ARHGAP42: variants seen among roughly 807,000 people sequenced by gnomAD.
ARHGAP42 encodes the protein Rho GTPase activating protein 42, also known as rho GTPase-activating protein 42.
Under a neutral mutation model 125.0 loss-of-function variants are expected in ARHGAP42, and 63 were observed. That is an observed-to-expected ratio of 0.50 (90% CI 0.41 to 0.62). ARHGAP42 has a LOEUF of 0.62. ARHGAP42 is among the 20% of genes least tolerant of loss of function. ARHGAP42 has a pLI of 0.00. For synonymous variants in ARHGAP42, 339 were observed against 351.0 expected (o/e 0.97, Z 0.38); for missense variants, 766 against 1,024.2 (o/e 0.75, Z 3.44).
At chr11:100,902,780 A>G (rs983976879) in intron 4 of ARHGAP42, among the ~76,000 whole-genome samples, 2 of 152,118 alleles carry the variant, frequency 1.3e-5, no homozygotes, top group African/African-American at 4.8e-5. Context: ...TAGACAATGG[A>G]TGGAGTACTG....
intron 4 of ARHGAP42, among the ~76,000 whole-genome samples, chr11:100,894,679 A>G (rs1175800447): frequency 6.6e-6 from 1 of 152,178 alleles, no homozygotes; most frequent in Non-Finnish European, 1.5e-5. Context: ...TTTCAATGCC[A>G]GCACCATTTG....
intron 1 of ARHGAP42, among the ~76,000 whole-genome samples, chr11:100,769,889 AC>A (rs1162673572): frequency 3.3e-5 from 5 of 151,970 alleles, no homozygotes; most frequent in African/African-American, 1.2e-4. Context: ...TGAGGTTAAT[AC>A]CTAGGTGATG....
At chr11:100,875,673 G>A (rs961497789) in intron 4 of ARHGAP42, among the ~76,000 whole-genome samples, 2 of 151,802 alleles carry the variant, frequency 1.3e-5, no homozygotes, top group Admixed American at 6.6e-5. Context: ...AGGCAACAGA[G>A]GTCAACCCCA....
At chr11:100,718,554 A>G (rs1412759822) in intron 1 of ARHGAP42, among the ~76,000 whole-genome samples, 1 of 152,224 alleles carries the variant, frequency 6.6e-6, no homozygotes, top group African/African-American at 2.4e-5. Flanking sequence ...TAAATTGGAC[A>G]AGGACTCAAA....
intron 3 of ARHGAP42, among the ~76,000 whole-genome samples, chr11:100,853,810 C>T (rs763792420): frequency 1.3e-5 from 2 of 151,522 alleles, no homozygotes; most frequent in Non-Finnish European, 2.9e-5. Flanking sequence ...GCCATTTTAC[C>T]CCTATTAACT....
rs1483014742 is a variant in ARHGAP42, at chr11:100,991,139, A to C, written c.*2338A>C. ...AAGTTGTGCTTGTGCTTGAACTTTT[A>C]ATCTTCTAGATTTGTGAGGATGGCT... On this transcript the variant is annotated 3_prime_UTR_variant, in exon 24 of 24. Transcript: ENST00000298815. The C allele has an allele frequency of 6.6e-6, 1 of 152,128 alleles. No homozygotes were observed. The highest frequency in any genetic ancestry group is 1.5e-5 in the Non-Finnish European group (1 of 68,024). The allele number at this position is 152,128 out of a possible 1,614,324, so 9.4% of individuals were successfully genotyped here. A position where few individuals can be genotyped will look rare whatever the true frequency, so the allele number is the denominator to read the frequency against.
At chr11:100,740,789 G>A (rs1862168083) in intron 1 of ARHGAP42, among the ~76,000 whole-genome samples, 1 of 152,154 alleles carries the variant, frequency 6.6e-6, no homozygotes, top group Non-Finnish European at 1.5e-5. Context: ...CACTGTTAAA[G>A]TTTGGCACAG....
At chr11:100,926,543 A>G (rs998761055) in intron 6 of ARHGAP42, among the ~76,000 whole-genome samples, 3 of 152,240 alleles carry the variant, frequency 2.0e-5, no homozygotes, top group Non-Finnish European at 2.9e-5. Flanking sequence ...AGAGACAGAA[A>G]GTATAATAGC....
At chr11:100,910,339 C>T (rs540245958) in intron 4 of ARHGAP42, among the ~76,000 whole-genome samples, 2 of 152,180 alleles carry the variant, frequency 1.3e-5, no homozygotes, top group South Asian at 4.2e-4. Flanking sequence ...CCCCTTCTAC[C>T]TCACTTCTCA....
At chr11:100,942,881 C>A (rs1364771438) in intron 9 of ARHGAP42, among the ~76,000 whole-genome samples, 1 of 152,098 alleles carries the variant, frequency 6.6e-6, no homozygotes, top group Non-Finnish European at 1.5e-5. Context: ...CTAATAGTTA[C>A]TACTGTAAAT....
At chr11:100,694,816 G>A (rs932539027) in intron 1 of ARHGAP42, among the ~76,000 whole-genome samples, 4 of 152,186 alleles carry the variant, frequency 2.6e-5, no homozygotes. Flanking sequence ...ATCACTTGAG[G>A]TCAGGAATTC....
intron 2 of ARHGAP42, among the ~76,000 whole-genome samples, chr11:100,793,015 A>G (rs750690141): frequency 6.6e-6 from 1 of 152,002 alleles, no homozygotes; most frequent in South Asian, 2.1e-4. Flanking sequence ...CAGCCTCCCA[A>G]AGTGCTGGGA....
At chr11:100,831,016 A>G (rs1005469367) in intron 3 of ARHGAP42, among the ~76,000 whole-genome samples, 3 of 152,200 alleles carry the variant, frequency 2.0e-5, no homozygotes, top group African/African-American at 7.2e-5. Flanking sequence ...ATTTGACTCA[A>G]TTTAATCAAG....
intron 1 of ARHGAP42, among the ~76,000 whole-genome samples, chr11:100,720,374 G>A (rs1212996372): frequency 6.6e-6 from 1 of 152,162 alleles, no homozygotes; most frequent in Non-Finnish European, 1.5e-5. Flanking sequence ...AAAAAAATGG[G>A]AAAAGAATTC....
At chr11:100,852,414 A>C (rs1415867746) in intron 3 of ARHGAP42, among the ~76,000 whole-genome samples, 2 of 152,200 alleles carry the variant, frequency 1.3e-5, no homozygotes, top group African/African-American at 4.8e-5. Context: ...CGAATGAATA[A>C]TTTATAACAG....
At chr11:100,701,950 T>G (rs1048616139) in intron 1 of ARHGAP42, among the ~76,000 whole-genome samples, 7 of 152,098 alleles carry the variant, frequency 4.6e-5, no homozygotes, top group Non-Finnish European at 7.4e-5. Flanking sequence ...TGTCTTGGCT[T>G]TTCTTGTGCC....
intron 1 of ARHGAP42, among the ~76,000 whole-genome samples, chr11:100,717,950 T>C (rs1591125390): frequency 6.7e-6 from 1 of 148,594 alleles, no homozygotes; most frequent in South Asian, 2.1e-4. Context: ...GACACCGTAG[T>C]GTATTCAGTG....
Position 100,696,511 on chromosome 11 carries a change from G to A in ARHGAP42, c.154+8679G>A, listed in dbSNP as rs191061582. ...TGGGATTATAGGTGTGCACCACCAC[G>A]CCCAGATAATTTTTTGTCTTTTTAG... On this transcript the variant is annotated intron_variant, in intron 1 of 23. Transcript: ENST00000298815. Among the ~76,000 whole-genome samples, 431 of 151,738 alleles carry A rather than the reference G, an allele frequency of 2.8e-3. 3 individuals carry two copies. Among genetic ancestry groups the A allele is most frequent in the African/African-American group, 9.8e-3 (404 of 41,372 alleles).
intron 6 of ARHGAP42, among the ~76,000 whole-genome samples, chr11:100,930,945 AC>A (rs920482066): frequency 1.3e-5 from 2 of 152,152 alleles, no homozygotes; most frequent in Non-Finnish European, 2.9e-5. Flanking sequence ...AATGCTTAGG[AC>A]TAGAAGTGTT....
Sources: allele counts gnomAD v4.1 joint callset (sites outside exome capture counted in the v4.1 genomes callset), GRCh38; gene constraint gnomAD v4.1.1; transcripts MANE v1.5; gene names NCBI Gene and HGNC (gene_info 2026-07-23, HGNC 2026-07-21).